The following DOK5 variants were observed in gnomAD, a reference collection of about 807,000 sequenced individuals.
DOK5 encodes the protein docking protein 5.
A neutral mutation model predicts 43.3 loss-of-function variants in DOK5; 27 were observed. The observed-to-expected ratio is 0.62, with a 90% CI of 0.46 to 0.86. The LOEUF (loss-of-function observed/expected upper bound fraction) is 0.86, where lower values mean the gene tolerates loss of function less well. DOK5 is among the 40% of genes least tolerant of loss of function. The pLI is 0.00. For missense variants in DOK5, 373 were observed against 392.9 expected, an observed-to-expected ratio of 0.95 and a Z score of 0.43; for synonymous variants, 146 against 140.1, an observed-to-expected ratio of 1.04 and a Z score of -0.30.
intron 6 of DOK5, among the ~76,000 whole-genome samples, chr20:54,621,862 A>T (rs1986984433): frequency 6.6e-6 from 1 of 152,166 alleles, no homozygotes; most frequent in African/African-American, 2.4e-5. Context: ...CACTTGCACC[A>T]CTATGCTGTA....
At chr20:54,633,852 A>G (rs773590851) in intron 6 of DOK5, among the ~76,000 whole-genome samples, 1 of 152,208 alleles carries the variant, frequency 6.6e-6, no homozygotes, top group Non-Finnish European at 1.5e-5. Context: ...GATGTCACAA[A>G]GACGGCATAT....
intron 1 of DOK5, among the ~76,000 whole-genome samples, chr20:54,547,702 A>G (rs897531673): frequency 7.2e-5 from 11 of 152,332 alleles, no homozygotes; most frequent in Non-Finnish European, 1.5e-4. Flanking sequence ...AAAATTAGGT[A>G]TAATAAAATC....
At chr20:54,538,889 A>G (rs1600688476) in intron 1 of DOK5, among the ~76,000 whole-genome samples, 1 of 152,354 alleles carries the variant, frequency 6.6e-6, no homozygotes, top group South Asian at 2.1e-4. Flanking sequence ...ACCTGGGTGA[A>G]TCTGTAGAGA....
chr20:54,515,143 T>C (rs1600673879), intron 1 of DOK5, among the ~76,000 whole-genome samples: 1 of 152,160 alleles, frequency 6.6e-6, no homozygotes, highest in East Asian at 1.9e-4. Flanking sequence ...CCCGAGTAGC[T>C]GGGATTACAG....
chr20:54,617,200 T>G lies in DOK5; in HGVS notation c.735+6677T>G, dbSNP rs572731513. On this transcript the variant is annotated intron_variant, in intron 6 of 7. Coordinates refer to ENST00000262593, the MANE Select transcript of DOK5 (RefSeq NM_018431.5). ...CTGTTGGACAGAGGCCACTCTCAGC[T>G]CCTGGCCACATGGACCTTGCCAGCA... Among the ~76,000 whole-genome samples, 125 of 152,326 alleles carry G rather than the reference T, an allele frequency of 8.2e-4. 1 individual carries two copies. Among genetic ancestry groups the G allele is most frequent in the Admixed American group, 3.9e-3 (60 of 15,298 alleles).
chr20:54,523,913 A>G (rs887456128), intron 1 of DOK5, among the ~76,000 whole-genome samples: 3 of 152,158 alleles, frequency 2.0e-5, no homozygotes, highest in Non-Finnish European at 2.9e-5. Context: ...AAAGAAATGT[A>G]TTTAAGGTCA....
At chr20:54,551,339 C>T (rs893003151) in intron 1 of DOK5, among the ~76,000 whole-genome samples, 41 of 152,076 alleles carry the variant, frequency 2.7e-4, no homozygotes, top group African/African-American at 8.9e-4. Context: ...TCTTTTCTTC[C>T]AGTCTCTCAC....
intron 1 of DOK5, among the ~76,000 whole-genome samples, chr20:54,519,055 C>T (rs931091476): frequency 2.0e-5 from 3 of 152,174 alleles, no homozygotes; most frequent in African/African-American, 7.2e-5. Context: ...CAGGAAACAA[C>T]AGGTGCTGGA....
chr20:54,564,208 G>A (rs1985012371), intron 2 of DOK5, among the ~76,000 whole-genome samples: 1 of 152,150 alleles, frequency 6.6e-6, no homozygotes, highest in South Asian at 2.1e-4. Flanking sequence ...CGGATCATGA[G>A]GTCAGGAGAT....
intron 1 of DOK5, among the ~76,000 whole-genome samples, chr20:54,540,220 C>T (rs1984105279): frequency 6.6e-6 from 1 of 152,038 alleles, no homozygotes; most frequent in African/African-American, 2.4e-5. Flanking sequence ...GATAGTCTAT[C>T]ACCATTATGA....
At chr20:54,554,468 G>A (rs1269327347) in intron 1 of DOK5, among the ~76,000 whole-genome samples, 1 of 152,192 alleles carries the variant, frequency 6.6e-6, no homozygotes, top group African/African-American at 2.4e-5. Context: ...TTAGTTTAGT[G>A]TCTGGTCCAA....
At chr20:54,488,372 A>G (rs1982025514) in intron 1 of DOK5, among the ~76,000 whole-genome samples, 1 of 152,194 alleles carries the variant, frequency 6.6e-6, no homozygotes, top group African/African-American at 2.4e-5. Flanking sequence ...GTCTCTTGGC[A>G]TCCATATTCC....
chr20:54,568,511 C>CA (rs1320880767), intron 2 of DOK5, among the ~76,000 whole-genome samples: 1 of 152,074 alleles, frequency 6.6e-6, no homozygotes, highest in Non-Finnish European at 1.5e-5. Flanking sequence ...AGTCAATGCC[C>CA]AAAAAATTCT....
chr20:54,627,659 C>T (rs6023427), intron 6 of DOK5, among the ~76,000 whole-genome samples: 4,406 of 152,146 alleles, frequency 0.029, 233 homozygotes, highest in African/African-American at 0.1. Flanking sequence ...GAAAGAAAGA[C>T]GCAGTGGATC....
chr20:54,564,783 C>T (rs910774821), intron 2 of DOK5, among the ~76,000 whole-genome samples: 4 of 152,152 alleles, frequency 2.6e-5, no homozygotes, highest in African/African-American at 9.7e-5. Context: ...CAAAGCTGTG[C>T]CTCTGCAATA....
In DOK5 at chr20:54,536,130, A is replaced by T. The variant is rs528184414; in HGVS notation, c.67-18803A>T. The stretch of plus-strand genomic sequence containing the variant: ...GTTTTTATATTCTAAAGACCAAGGC[A>T]AAAACTAAAAATGCAGACAAATCAG... On this transcript the variant is annotated intron_variant, in intron 1 of 7. Transcript: ENST00000262593. Among the ~76,000 whole-genome samples the T allele has an allele frequency of 1.2e-4, 18 of 152,368 alleles. No homozygotes were observed. The South Asian group carries it at 1.4e-3, about 12-fold the overall frequency.
At chr20:54,616,784 C>T (rs73146057) in intron 6 of DOK5, among the ~76,000 whole-genome samples, 3,403 of 104,928 alleles carry the variant, frequency 0.032, 33 homozygotes, top group Middle Eastern at 0.077. Context: ...TTTTTTTTTT[C>T]TTTTTTTTTT....
intron 1 of DOK5, among the ~76,000 whole-genome samples, chr20:54,498,954 A>G (rs1445980898): frequency 6.6e-6 from 1 of 152,230 alleles, no homozygotes; most frequent in Non-Finnish European, 1.5e-5. Flanking sequence ...TTTGAAATTA[A>G]TAATAATGGG....
At chr20:54,602,774 A>G in intron 5 of DOK5, among the ~76,000 whole-genome samples, 1 of 152,088 alleles carries the variant, frequency 6.6e-6, no homozygotes, top group Non-Finnish European at 1.5e-5. Context: ...TCCCGGGTTC[A>G]AGCAATTCCT....
Sources: gnomAD v4.1 joint callset for allele counts (sites outside exome capture counted in the v4.1 genomes callset) on GRCh38, gnomAD v4.1.1 for gene constraint, MANE v1.5 for transcripts, NCBI Gene and HGNC (gene_info 2026-07-23, HGNC 2026-07-21) for gene names.